The following FNBP1 variants were observed in gnomAD, a reference collection of about 807,000 sequenced individuals.
FNBP1 encodes the protein formin binding protein 1.
Under a neutral mutation model 90.6 loss-of-function variants are expected in FNBP1, and 26 were observed. The observed-to-expected ratio is 0.29, with a 90% CI of 0.21 to 0.40. The LOEUF (loss-of-function observed/expected upper bound fraction) is 0.40. Among genes scored for constraint, FNBP1 ranks in the 10% least tolerant of loss-of-function variants. The pLI is 1.00. For synonymous variants in FNBP1, 260 were observed against 265.2 expected (o/e 0.98, Z 0.19); for missense variants, 635 against 768.0 (o/e 0.83, Z 2.05).
At chr9:129,914,040 AG>A (rs377665514) in intron 11 of FNBP1, among the ~76,000 whole-genome samples, 80 of 151,744 alleles carry the variant, frequency 5.3e-4, no homozygotes, top group African/African-American at 1.9e-3. Flanking sequence ...ATTTGTTTGT[AG>A]AGTCAGGTTT....
At chr9:129,929,479 C>A (rs2132033969) in intron 7 of FNBP1, 88 bp downstream of exon 7, 37 of 897,536 alleles carry the variant, frequency 4.1e-5, no homozygotes, top group South Asian at 1.4e-4. Context: ...ACTCAGAATA[C>A]AAACCCAGCA....
chr9:130,043,919 G>C (rs2060022956), upstream of FNBP1, among the ~76,000 whole-genome samples: 1 of 152,218 alleles, frequency 6.6e-6, no homozygotes, highest in African/African-American at 2.4e-5. Context: ...CTGGCCGGGC[G>C]GAGGCGGACA....
At position 129,966,423 on chromosome 9, in the gene FNBP1, G is replaced by A. The variant is rs1304548535; in HGVS notation, c.346-7870C>T. Reference sequence around the variant, plus strand: ...CCTCACCAGCCACGGTAAGCATGTTGGAAGATTTAAGAAAGGAAGTGACAG... The same window carrying A: ...CCTCACCAGCCACGGTAAGCATGTTAGAAGATTTAAGAAAGGAAGTGACAG... On this transcript the variant is annotated intron_variant, in intron 4 of 16. Transcript: ENST00000446176. This position sits in a 1 kb window ranked among gnomAD's most constrained non-coding sequence, Gnocchi z 4.3. Among the ~76,000 whole-genome samples the A allele has an allele frequency of 2.0e-5, 3 of 152,118 alleles. No individual in the cohort carries two copies. The highest frequency in any genetic ancestry group is 2.9e-5 in the Non-Finnish European group (2 of 68,014).
chr9:129,950,036 G>A (rs2045935068), intron 6 of FNBP1, among the ~76,000 whole-genome samples: 1 of 152,160 alleles, frequency 6.6e-6, no homozygotes, highest in Non-Finnish European at 1.5e-5. Context: ...ATCATTTGCG[G>A]GAACTGGGGG....
rs1470858407 is a variant in FNBP1 at position 129,929,586 on chromosome 9, T to C, written c.623A>G (p.His208Arg). The C allele has an allele frequency of 1.2e-6, 2 of 1,613,534 alleles. No individual in the cohort carries two copies. Among genetic ancestry groups the C allele is most frequent in the Admixed American group, 3.3e-5 (2 of 60,018 alleles). ...NHEQHEYYHT[H>R]IPNIFQKIQE... ...ACTTACCTGGAAGATGTTGGGGATG[T>C]GAGTATGGTAATATTCATGCTGCTC... Residue 208 changes from histidine to arginine, a missense_variant, in exon 7 of 17, where the codon CAC becomes CGC. Physicochemically the swap from His to Arg is conservative, Grantham distance 29. Coordinates refer to ENST00000446176, the MANE Select transcript of FNBP1 (RefSeq NM_015033.3).
At position 129,900,160 on chromosome 9, in the gene FNBP1, A is replaced by G. The variant is rs2036632415; in HGVS notation, c.1551-59T>C. On this transcript the variant is annotated intron_variant, in intron 14 of 16. Coordinates refer to ENST00000446176, the MANE Select transcript of FNBP1 (RefSeq NM_015033.3). The surrounding 1 kb of genome is among the most constrained non-coding windows in gnomAD (Gnocchi z 4.1). Reference sequence around the variant, plus strand: ...GCGACTGACCCCAGGGAGGACTCAGATTGAGTCCCTGCGACTGGAGAGCAC... The same window carrying G: ...GCGACTGACCCCAGGGAGGACTCAGGTTGAGTCCCTGCGACTGGAGAGCAC... 6.7e-7 allele frequency: 1 copy of G among 1,500,652 alleles called. No homozygotes were observed. The highest frequency in any genetic ancestry group is 1.4e-5 in the African/African-American group (1 of 71,012). The allele number at this position is 1,500,652 out of a possible 1,614,324, so 93.0% of individuals were successfully genotyped here. A position where few individuals can be genotyped will look rare whatever the true frequency, so the allele number is the denominator to read the frequency against.
intron 1 of FNBP1, among the ~76,000 whole-genome samples, chr9:130,033,497 T>C (rs993163929): frequency 2.6e-5 from 4 of 152,132 alleles, no homozygotes; most frequent in African/African-American, 7.2e-5. Context: ...CTATAGATAA[T>C]AGAGAAAGTG....
chr9:130,022,106 G>C (rs982121046), intron 1 of FNBP1, among the ~76,000 whole-genome samples: 1 of 151,250 alleles, frequency 6.6e-6, no homozygotes, highest in Non-Finnish European at 1.5e-5. Context: ...TGATCCACCC[G>C]CCTCAGCCTC....
At chr9:129,953,494 AAAATAAATAAAT>A (rs553611368) in intron 6 of FNBP1, among the ~76,000 whole-genome samples, 6 of 151,936 alleles carry the variant, frequency 3.9e-5, no homozygotes, top group Admixed American at 6.6e-5. Flanking sequence ...CGTCTCAGAA[AAAATAAATAAAT>A]AAATAAATAA....
At chr9:129,899,712 G>A (rs150716874) in intron 15 of FNBP1, among the ~76,000 whole-genome samples, 9 of 148,170 alleles carry the variant, frequency 6.1e-5, no homozygotes, top group Non-Finnish European at 1.3e-4. Flanking sequence ...TTGGGCAAGA[G>A]AGCGAGACCC....
At chr9:130,016,851 G>A (rs867613891) in intron 1 of FNBP1, among the ~76,000 whole-genome samples, 1 of 152,212 alleles carries the variant, frequency 6.6e-6, no homozygotes, top group Non-Finnish European at 1.5e-5. Flanking sequence ...GTTCACATAC[G>A]TAGTTTATTA....
Position 130,042,781 on chromosome 9 carries a change from G to C in FNBP1, c.24+171C>G, listed in dbSNP as rs948170527. 1.3e-5 allele frequency among the ~76,000 whole-genome samples: 2 copies of C among 151,494 alleles called. No homozygotes were observed. The highest frequency in any genetic ancestry group is 6.6e-5 in the Admixed American group (1 of 15,208). Reference sequence around the variant, plus strand: ...ACAAGCCGGCCCGCACCTCCTGCTCGGGCCAAGGCGGACGAGGGGCATTGG... The same window carrying C: ...ACAAGCCGGCCCGCACCTCCTGCTCCGGCCAAGGCGGACGAGGGGCATTGG... On this transcript the variant is annotated intron_variant, in intron 1 of 16. Transcript: ENST00000446176. This position sits in a 1 kb window ranked among gnomAD's most constrained non-coding sequence, Gnocchi z 5.5.
intron 6 of FNBP1, 101 bp from the exon 7 acceptor site, chr9:129,929,796 G>T: frequency 1.8e-6 from 2 of 1,105,894 alleles, no homozygotes; most frequent in Non-Finnish European, 2.6e-6. Flanking sequence ...ATGCCTAGGG[G>T]CCAGATTTAC....
chr9:129,898,509 TG>T (rs1027627672), intron 15 of FNBP1, among the ~76,000 whole-genome samples: 13 of 151,924 alleles, frequency 8.6e-5, no homozygotes, highest in African/African-American at 2.4e-4. Flanking sequence ...TTTTTTTTTT[TG>T]AGAGGGAGTC....
rs1379597926 is a variant in FNBP1, at chr9:129,889,429, G to C, written c.*1110C>G. ...TACTAAAAATACAAACATTAGCCGGGCGTGGTGGTGCACGCCTGTAATCAC... is the reference window on the plus strand; with the variant it reads ...TACTAAAAATACAAACATTAGCCGGCCGTGGTGGTGCACGCCTGTAATCAC... On this transcript the variant is annotated 3_prime_UTR_variant, in exon 17 of 17. Transcript: ENST00000446176. 2 of 182,260 alleles carry C rather than the reference G, an allele frequency of 1.1e-5. No individual in the cohort carries two copies. Among genetic ancestry groups the C allele is most frequent in the East Asian group, 1.8e-4 (2 of 11,166 alleles). 11.3% of individuals were successfully genotyped at this position (182,260 alleles called of 1,614,324 possible).
At chr9:129,910,345 G>A (rs2039008184) in intron 11 of FNBP1, among the ~76,000 whole-genome samples, 1 of 152,050 alleles carries the variant, frequency 6.6e-6, no homozygotes, top group Non-Finnish European at 1.5e-5. Flanking sequence ...AGCTGGGCGT[G>A]GTGGCGAGCG....
chr9:129,913,577 C>A (rs1268027188), intron 11 of FNBP1, among the ~76,000 whole-genome samples: 1 of 152,000 alleles, frequency 6.6e-6, no homozygotes, highest in Non-Finnish European at 1.5e-5. Flanking sequence ...TCGAGATTAG[C>A]CTGGCCAGCA....
chr9:129,940,701 A>G (rs925497796), intron 6 of FNBP1, among the ~76,000 whole-genome samples: 1 of 152,040 alleles, frequency 6.6e-6, no homozygotes, highest in Non-Finnish European at 1.5e-5. Context: ...ATCTCGGCTC[A>G]CTGCAACCTC....
chr9:129,983,093 C>T (rs4837439), intron 2 of FNBP1, among the ~76,000 whole-genome samples: 147,604 of 152,320 alleles, frequency 0.97, 71,691 homozygotes, highest in East Asian at 1. Flanking sequence ...TCTTTGTAGC[C>T]TCCTTTCAGT....
Sources: gnomAD v4.1 joint callset for allele counts (sites outside exome capture counted in the v4.1 genomes callset) on GRCh38, gnomAD v4.1.1 for gene constraint, Gnocchi (gnomAD v3.1) non-coding constraint, MANE v1.5 for transcripts, NCBI Gene and HGNC (gene_info 2026-07-23, HGNC 2026-07-21) for gene names.